Variants in CLVS1 observed in about 807,000 individuals in gnomAD.
CLVS1 encodes the protein clavesin-1.
A neutral mutation model predicts 33.1 loss-of-function variants in CLVS1; 10 were observed. That is an observed-to-expected ratio of 0.30 (90% CI 0.19 to 0.51). The LOEUF (loss-of-function observed/expected upper bound fraction) is 0.51, where lower values mean the gene tolerates loss of function less well. Among genes scored for constraint, CLVS1 ranks in the 20% least tolerant of loss-of-function variants. The pLI is 0.97. For synonymous variants in CLVS1, 163 were observed against 166.1 expected, an observed-to-expected ratio of 0.98 and a Z score of 0.14; for missense variants, 343 against 433.4, an observed-to-expected ratio of 0.79 and a Z score of 1.85.
chr8:61,188,482 T>C (rs563825476), intron 2 of CLVS1, among the ~76,000 whole-genome samples: 2 of 135,174 alleles, frequency 1.5e-5, no homozygotes, highest in Non-Finnish European at 3.3e-5. Context: ...ACTAAAATGA[T>C]CAAAAACAGA....
At chr8:61,463,277 A>G (rs1436305620) in intron 5 of CLVS1, among the ~76,000 whole-genome samples, 1 of 152,192 alleles carries the variant, frequency 6.6e-6, no homozygotes, top group Non-Finnish European at 1.5e-5. Context: ...TGGTTTGATC[A>G]TCTATTCAGA....
chr8:61,302,628 C>T (rs1810477891), intron 2 of CLVS1, among the ~76,000 whole-genome samples: 1 of 152,124 alleles, frequency 6.6e-6, no homozygotes, highest in African/African-American at 2.4e-5. Context: ...CAGCTGTCCT[C>T]CCAAAAATGG....
intron 3 of CLVS1, among the ~76,000 whole-genome samples, chr8:61,446,181 TC>T (rs2129606524): frequency 6.6e-6 from 1 of 152,308 alleles, no homozygotes; most frequent in African/African-American, 2.4e-5. Flanking sequence ...TTTATTATTT[TC>T]TTTTTATGCT....
the CLVS1 span, among the ~76,000 whole-genome samples, chr8:60,998,541 G>A: frequency 6.6e-6 from 1 of 151,720 alleles, no homozygotes; most frequent in Non-Finnish European, 1.5e-5. Flanking sequence ...AGATGGATTA[G>A]GGGACAAAAA....
the CLVS1 span, among the ~76,000 whole-genome samples, chr8:61,021,232 A>G: frequency 3.3e-5 from 5 of 152,222 alleles, no homozygotes; most frequent in Admixed American, 3.3e-4. Flanking sequence ...AGTCGGGCAC[A>G]ATAACTTCTC....
intron 1 of CLVS1, among the ~76,000 whole-genome samples, chr8:61,067,481 A>G (rs913753776): frequency 2.0e-5 from 3 of 148,902 alleles, no homozygotes; most frequent in Non-Finnish European, 4.5e-5. Flanking sequence ...TCATTATTAT[A>G]ATGATATATT....
chr8:61,022,777 A>G, the CLVS1 span, among the ~76,000 whole-genome samples: 1 of 152,262 alleles, frequency 6.6e-6, no homozygotes, highest in East Asian at 1.9e-4. Context: ...CGCTGAAAAC[A>G]ATAGAGAGTG....
In CLVS1 at chr8:61,306,444, T is replaced by C. The variant is rs1454993742; in HGVS notation, c.455+6162T>C. Among the ~76,000 whole-genome samples the C allele has an allele frequency of 2.0e-5, 3 of 152,224 alleles. No individual in the cohort carries two copies. In the East Asian group the frequency reaches 5.8e-4, roughly 29 times the overall value. The stretch of plus-strand genomic sequence containing the variant: ...ACAGATGATGGATATTAGACCGTTG[T>C]GGGATGCATTACATGCAAGAATTTT... On this transcript the variant is annotated intron_variant, in intron 2 of 5. Transcript: ENST00000325897.
At chr8:61,101,622 T>C (rs1296600451) in intron 1 of CLVS1, among the ~76,000 whole-genome samples, 2 of 152,186 alleles carry the variant, frequency 1.3e-5, no homozygotes, top group Non-Finnish European at 2.9e-5. Flanking sequence ...TTAACTTTGA[T>C]GATGTCTGGT....
At chr8:61,128,151 GT>G (rs1806009847) in intron 1 of CLVS1, among the ~76,000 whole-genome samples, 1 of 152,298 alleles carries the variant, frequency 6.6e-6, no homozygotes, top group East Asian at 1.9e-4. Context: ...CTTTCTGTAT[GT>G]GACCATGTAA....
At chr8:61,180,162 T>A (rs1261033988) in intron 2 of CLVS1, among the ~76,000 whole-genome samples, 1 of 151,914 alleles carries the variant, frequency 6.6e-6, no homozygotes, top group Admixed American at 6.6e-5. Flanking sequence ...GGGGATATCA[T>A]AACTGACCCC....
At chr8:61,079,803 G>A (rs971839756) in intron 1 of CLVS1, among the ~76,000 whole-genome samples, 4 of 151,106 alleles carry the variant, frequency 2.6e-5, no homozygotes, top group Non-Finnish European at 5.9e-5. Context: ...AAAAAAACAC[G>A]TCAATAGATC....
the CLVS1 span, among the ~76,000 whole-genome samples, chr8:60,968,474 C>T: frequency 6.6e-6 from 1 of 150,964 alleles, no homozygotes; most frequent in Non-Finnish European, 1.5e-5. Context: ...TGACATTGCC[C>T]CACTGCACTC....
At chr8:61,182,621 C>T (rs1309109793) in intron 2 of CLVS1, among the ~76,000 whole-genome samples, 1 of 152,024 alleles carries the variant, frequency 6.6e-6, no homozygotes, top group Non-Finnish European at 1.5e-5. Flanking sequence ...AATCAAAACC[C>T]CAGCGAGATA....
At chr8:61,300,793 C>T (rs898412588) in intron 2 of CLVS1, 1 of 152,598 alleles carries the variant, frequency 6.6e-6, no homozygotes, top group Admixed American at 6.5e-5. Context: ...CTATCCCAAA[C>T]TGAAAGCATC....
rs1398480076 is a variant in CLVS1, at chr8:61,501,268, G to GTT, written c.*1727_*1728dup. 4 of 152,152 alleles carry GTT rather than the reference G, an allele frequency of 2.6e-5. No individual in the cohort carries two copies. Among genetic ancestry groups the GTT allele is most frequent in the Admixed American group, 2.0e-4 (3 of 15,270 alleles). The allele number at this position is 152,152 out of a possible 1,614,324, so 9.4% of individuals were successfully genotyped here. A position where few individuals can be genotyped will look rare whatever the true frequency, so the allele number is the denominator to read the frequency against. On this transcript the variant is annotated 3_prime_UTR_variant, in exon 6 of 6. Coordinates refer to ENST00000325897, the MANE Select transcript of CLVS1 (RefSeq NM_173519.3). ...CATTTTATTGCTTGGGTTTAAAATA[G>GTT]TTGTGGGATACAAGTATTTACAATG...
chr8:61,023,939 T>G, the CLVS1 span, among the ~76,000 whole-genome samples: 2 of 152,146 alleles, frequency 1.3e-5, no homozygotes, highest in African/African-American at 4.8e-5. Context: ...CTGACACGTG[T>G]GGTGGTGGTG....
chr8:61,063,267 GAGAGAGAGAGAGAGAGAGAGAGAGAGAT>G (rs1804615588), intron 1 of CLVS1, among the ~76,000 whole-genome samples: 2 of 126,678 alleles, frequency 1.6e-5, no homozygotes, highest in African/African-American at 4.1e-5. Flanking sequence ...AAGCGAGAGA[GAGAGAGAGAGAGAGAGAGAGAGAGAGAT>G]AGAGAGAGAG....
At chr8:61,135,579 T>C (rs914121110) in intron 2 of CLVS1, among the ~76,000 whole-genome samples, 2 of 151,852 alleles carry the variant, frequency 1.3e-5, no homozygotes, top group African/African-American at 2.4e-5. Flanking sequence ...AAAGGAGAGA[T>C]TGAGAAGGAG....
Sources: allele counts gnomAD v4.1 joint callset (sites outside exome capture counted in the v4.1 genomes callset), GRCh38; gene constraint gnomAD v4.1.1; transcripts MANE v1.5; gene names NCBI Gene and HGNC (gene_info 2026-07-23, HGNC 2026-07-21).